The following SNTG2 variants were observed in gnomAD, a reference collection of about 807,000 sequenced individuals.
SNTG2 encodes gamma-2-syntrophin.
In SNTG2, 74 loss-of-function variants were observed where a neutral mutation model predicts 70.9. That is an observed-to-expected ratio of 1.04 (90% CI 0.86 to 1.27). The LOEUF is 1.27. SNTG2 is among the 50% of genes most tolerant of loss of function. SNTG2 has a pLI of 0.00. For missense variants in SNTG2, 717 were observed against 690.7 expected (o/e 1.04, Z -0.43); for synonymous variants, 278 against 273.8 (o/e 1.02, Z -0.15).
rs549224454 is a variant in SNTG2 at position 1,113,292 on chromosome 2, G to C, written c.325+14882G>C. Among the ~76,000 whole-genome samples the C allele has an allele frequency of 4.0e-4, 59 of 148,616 alleles. 1 individual carries two copies. In the South Asian group the frequency reaches 7.8e-3, roughly 20 times the overall value. On this transcript the variant is annotated intron_variant, in intron 4 of 16. Transcript: ENST00000308624. ...CCCTTACAGTCCTTTGAGAAGGATC[G>C]TGTGTACTAAGTGAGGTTTAACCCT...
chr2:1,006,384 T>C (rs1270102420), intron 1 of SNTG2, among the ~76,000 whole-genome samples: 1 of 131,328 alleles, frequency 7.6e-6, no homozygotes, highest in Non-Finnish European at 1.6e-5. Context: ...TAACCAGATA[T>C]TAAATAAAGT....
intron 9 of SNTG2, among the ~76,000 whole-genome samples, chr2:1,229,754 A>G (rs1385507339): frequency 6.6e-6 from 1 of 152,240 alleles, no homozygotes; most frequent in African/African-American, 2.4e-5. Flanking sequence ...GCCGGAAGGC[A>G]GCCAAGGCCC....
chr2:1,163,849 G>A (rs1464906483), intron 6 of SNTG2: 1 of 152,282 alleles, frequency 6.6e-6, no homozygotes, highest in Non-Finnish European at 1.5e-5. Context: ...ACCAGTGGTG[G>A]AGGTGGACCA....
intron 12 of SNTG2, among the ~76,000 whole-genome samples, chr2:1,249,892 G>C (rs575030870): frequency 6.6e-6 from 1 of 152,120 alleles, no homozygotes; most frequent in Admixed American, 6.6e-5. Context: ...CACACTGGCC[G>C]GGCAGTGCAG....
At chr2:1,303,467 TTG>T (rs1278305919) in intron 14 of SNTG2, among the ~76,000 whole-genome samples, 5 of 152,168 alleles carry the variant, frequency 3.3e-5, no homozygotes, top group African/African-American at 1.2e-4. Flanking sequence ...ATATCAAAGT[TTG>T]TGAGGCACAG....
At chr2:1,135,126 C>G (rs900023137) in intron 4 of SNTG2, among the ~76,000 whole-genome samples, 22 of 152,134 alleles carry the variant, frequency 1.4e-4, no homozygotes, top group African/African-American at 4.8e-4. Context: ...GGCTTCTGAC[C>G]AACTCTAGAG....
intron 14 of SNTG2, among the ~76,000 whole-genome samples, chr2:1,300,682 A>C (rs573286401): frequency 8.5e-5 from 13 of 152,140 alleles, no homozygotes; most frequent in Non-Finnish European, 1.6e-4. Flanking sequence ...CTTTAACTTC[A>C]TTAATTCCAG....
chr2:1,081,335 T>G (rs1167208136), intron 1 of SNTG2, among the ~76,000 whole-genome samples: 1 of 152,180 alleles, frequency 6.6e-6, no homozygotes, highest in African/African-American at 2.4e-5. Flanking sequence ...CACATCAAAG[T>G]CAGGCAGGGA....
At chr2:1,172,532 TC>T (rs1671193889) in intron 7 of SNTG2, among the ~76,000 whole-genome samples, 1 of 152,184 alleles carries the variant, frequency 6.6e-6, no homozygotes, top group Non-Finnish European at 1.5e-5. Flanking sequence ...CCCTGGGTAA[TC>T]CATGGAGCAT....
At position 1,074,289 on chromosome 2, in the gene SNTG2, C is replaced by T. The variant is rs572407773; in HGVS notation, c.73-9229C>T. The stretch of plus-strand genomic sequence containing the variant: ...AAGTAGCCCTTTTCAGACTGTAAAT[C>T]ACTGTGACCTCCTTGGCTGAGATGA... On this transcript the variant is annotated intron_variant, in intron 1 of 16. Transcript: ENST00000308624. Among the ~76,000 whole-genome samples, 3 of 152,314 alleles carry T rather than the reference C, an allele frequency of 2.0e-5. No homozygotes were observed. The East Asian group carries it at 5.8e-4, about 29-fold the overall frequency.
chr2:1,165,502 G>T, intron 6 of SNTG2, 46 bp from the exon 7 acceptor site: 1 of 1,504,434 alleles, frequency 6.6e-7, no homozygotes, highest in South Asian at 1.2e-5. Flanking sequence ...TTCTGTGTCT[G>T]GTTCTTTTGT....
At chr2:1,244,840 C>CTTGTTT (rs1331973622) in intron 11 of SNTG2, among the ~76,000 whole-genome samples, 3 of 151,988 alleles carry the variant, frequency 2.0e-5, no homozygotes, top group Non-Finnish European at 4.4e-5. Context: ...ATACAATAAG[C>CTTGTTT]TTGTTTTTGC....
intron 14 of SNTG2, among the ~76,000 whole-genome samples, chr2:1,296,794 C>A (rs1680238658): frequency 6.6e-6 from 1 of 152,232 alleles, no homozygotes; most frequent in Non-Finnish European, 1.5e-5. Flanking sequence ...AGAAAATCAC[C>A]ATCTTTGAAG....
At chr2:1,220,652 G>C (rs902440934) in intron 9 of SNTG2, among the ~76,000 whole-genome samples, 1 of 152,224 alleles carries the variant, frequency 6.6e-6, no homozygotes, top group Admixed American at 6.5e-5. Context: ...TAGAAGATTA[G>C]GGTGTTCATG....
chr2:1,071,660 AAAAC>A (rs1663565098), intron 1 of SNTG2, among the ~76,000 whole-genome samples: 1 of 151,976 alleles, frequency 6.6e-6, no homozygotes, highest in Admixed American at 6.6e-5. Context: ...TAAAAAAAAA[AAAAC>A]TAGAGAAGAT....
intron 6 of SNTG2, 51 bp from the exon 7 acceptor site, chr2:1,165,497 T>C: frequency 1.4e-6 from 2 of 1,478,832 alleles, no homozygotes; most frequent in Non-Finnish European, 1.9e-6. Flanking sequence ...TTTAATTCTG[T>C]GTCTGGTTCT....
At chr2:995,766 G>A (rs925956097) in intron 1 of SNTG2, among the ~76,000 whole-genome samples, 7 of 151,976 alleles carry the variant, frequency 4.6e-5, no homozygotes, top group African/African-American at 1.7e-4. Context: ...TTTCATTTAA[G>A]TTATATAATT....
intron 12 of SNTG2, among the ~76,000 whole-genome samples, chr2:1,255,865 TATATATAA>T (rs869293852): frequency 0.22 from 25,848 of 116,318 alleles, 3,875 homozygotes; most frequent in African/African-American, 0.41. Flanking sequence ...TATATATAAA[TATATATAA>T]ATATATATAT....
rs530533610 is a variant in SNTG2 at position 1,054,024 on chromosome 2, G to C, written c.73-29494G>C. Among the ~76,000 whole-genome samples, 15 of 151,348 alleles carry C rather than the reference G, an allele frequency of 9.9e-5. No homozygotes were observed. The South Asian group carries it at 2.9e-3, about 29-fold the overall frequency. ...GTGCAGGATTACAGGGATTTAACCT[G>C]CATGTCTTGGCCTTGTTGTTTGTGC... is the stretch of plus-strand genomic sequence containing the variant. On this transcript the variant is annotated intron_variant, in intron 1 of 16. Coordinates refer to ENST00000308624, the MANE Select transcript of SNTG2 (RefSeq NM_018968.4).
Sources: gnomAD v4.1 joint callset for allele counts (sites outside exome capture counted in the v4.1 genomes callset) on GRCh38, gnomAD v4.1.1 for gene constraint, MANE v1.5 for transcripts, NCBI Gene and HGNC (gene_info 2026-07-23, HGNC 2026-07-21) for gene names.